Variants in DAB1 observed in about 807,000 individuals in gnomAD.
DAB1 encodes DAB adaptor protein 1.
DAB1 carries 15 observed loss-of-function variants against 64.6 expected under a neutral mutation model. The observed-to-expected ratio is 0.23, with a 90% CI of 0.16 to 0.36. DAB1 has a LOEUF of 0.36. DAB1 is among the 10% of genes least tolerant of loss of function. The pLI, the probability that DAB1 is intolerant of heterozygous loss-of-function variation, is 1.00. For synonymous variants in DAB1, 235 were observed against 251.9 expected (o/e 0.93, Z 0.64); for missense variants, 596 against 706.7 (o/e 0.84, Z 1.78).
Position 57,361,483 on chromosome 1 carries a change from A to G in DAB1, c.-137+62447T>C, listed in dbSNP as rs529461905. On this transcript the variant is annotated intron_variant, in intron 1 of 14. Transcript: ENST00000371236. The stretch of plus-strand genomic sequence containing the variant: ...GGTTCCCAATATCTGTGTCCTTCCA[A>G]TAAAAGGATTGTTCATCTGCATCCT... Among the ~76,000 whole-genome samples the G allele has an allele frequency of 4.6e-5, 7 of 152,274 alleles. No homozygotes were observed. The South Asian group carries it at 1.5e-3, about 32-fold the overall frequency.
At chr1:57,918,839 A>G (rs986776481) in intron 5 of DAB1, among the ~76,000 whole-genome samples, 2 of 151,968 alleles carry the variant, frequency 1.3e-5, no homozygotes, top group Non-Finnish European at 2.9e-5. Flanking sequence ...AAAAAAGAGA[A>G]AGGCACCAGG....
chr1:57,968,858 C>T (rs1041890209), intron 5 of DAB1, among the ~76,000 whole-genome samples: 1 of 152,128 alleles, frequency 6.6e-6, no homozygotes, highest in South Asian at 2.1e-4. Context: ...TAGAACCTAC[C>T]CAGCTATAAC....
intron 4 of DAB1, among the ~76,000 whole-genome samples, chr1:58,336,457 ATG>A (rs1202406836): frequency 6.6e-6 from 1 of 152,198 alleles, no homozygotes; most frequent in African/African-American, 2.4e-5. Flanking sequence ...ATAGTAGCTT[ATG>A]TTTATTGAAC....
At chr1:57,056,931 G>A (rs79687558) in intron 9 of DAB1, among the ~76,000 whole-genome samples, 1,741 of 152,202 alleles carry the variant, frequency 0.011, 35 homozygotes, top group African/African-American at 0.04. Context: ...CTCAAGGAAA[G>A]CTGAAGACAG....
At chr1:57,011,045 C>T (rs1365241493) in intron 13 of DAB1, 100 bp downstream of exon 13, 1 of 1,467,238 alleles carries the variant, frequency 6.8e-7, no homozygotes, top group Admixed American at 1.9e-5. Flanking sequence ...ATTGAGCCAG[C>T]ATTCTTTTCT....
chr1:57,371,967 C>T (rs542179454), intron 1 of DAB1, among the ~76,000 whole-genome samples: 16 of 152,204 alleles, frequency 1.1e-4, no homozygotes, highest in Admixed American at 3.3e-4. Context: ...ACTACTGAAA[C>T]GGAGAAATCC....
At chr1:57,244,401 A>G (rs1668714157) in intron 2 of DAB1, among the ~76,000 whole-genome samples, 1 of 152,238 alleles carries the variant, frequency 6.6e-6, no homozygotes, top group African/African-American at 2.4e-5. Flanking sequence ...GGAAAGATGG[A>G]TAGATGAGAA....
At chr1:57,096,205 C>T (rs1263692321) in intron 4 of DAB1, among the ~76,000 whole-genome samples, 1 of 152,100 alleles carries the variant, frequency 6.6e-6, no homozygotes, top group Non-Finnish European at 1.5e-5. Flanking sequence ...GGATTTACAC[C>T]CAAGCCTTTC....
At chr1:57,645,803 C>T (rs902213666) in intron 7 of DAB1, among the ~76,000 whole-genome samples, 5 of 152,188 alleles carry the variant, frequency 3.3e-5, no homozygotes, top group Non-Finnish European at 7.3e-5. Context: ...TGAAAAGCAA[C>T]ACCACCACTG....
chr1:57,395,038 G>C (rs1450152388), intron 1 of DAB1, among the ~76,000 whole-genome samples: 1 of 151,708 alleles, frequency 6.6e-6, no homozygotes, highest in Non-Finnish European at 1.5e-5. Flanking sequence ...TTTGTTTTTT[G>C]TTTTGAGACA....
chr1:57,670,652 G>C (rs942036834), intron 6 of DAB1, among the ~76,000 whole-genome samples: 2 of 152,038 alleles, frequency 1.3e-5, no homozygotes, highest in African/African-American at 4.8e-5. Flanking sequence ...AAATCCTATT[G>C]CCTAATTATC....
chr1:58,437,726 A>T (rs1473113333), intron 3 of DAB1, among the ~76,000 whole-genome samples: 1 of 152,224 alleles, frequency 6.6e-6, no homozygotes, highest in African/African-American at 2.4e-5. Context: ...ATATAGCATT[A>T]AAAAAGATAC....
intron 7 of DAB1, among the ~76,000 whole-genome samples, chr1:57,616,034 G>A (rs914458830): frequency 6.6e-6 from 1 of 152,172 alleles, no homozygotes; most frequent in Non-Finnish European, 1.5e-5. Flanking sequence ...AGAATGGAGT[G>A]TGTCTGAGGG....
At chr1:57,309,794 C>T (rs1012965626) in intron 1 of DAB1, among the ~76,000 whole-genome samples, 1 of 152,212 alleles carries the variant, frequency 6.6e-6, no homozygotes, top group South Asian at 2.1e-4. Flanking sequence ...AGACAGCCCT[C>T]CTGGCCCTTG....
chr1:58,002,125 A>C (rs373392253), intron 5 of DAB1, among the ~76,000 whole-genome samples: 1 of 152,218 alleles, frequency 6.6e-6, no homozygotes, highest in Admixed American at 6.5e-5. Flanking sequence ...AATTGCAAAA[A>C]AATAAGCTTT....
intron 5 of DAB1, among the ~76,000 whole-genome samples, chr1:58,009,567 C>G (rs148301881): frequency 6.6e-6 from 1 of 152,084 alleles, no homozygotes; most frequent in Non-Finnish European, 1.5e-5. Context: ...TTGATAATAT[C>G]AAGTATTGTA....
chr1:57,266,658 C>G (rs146176982), intron 2 of DAB1, among the ~76,000 whole-genome samples: 1 of 152,084 alleles, frequency 6.6e-6, no homozygotes, highest in East Asian at 1.9e-4. Flanking sequence ...ATTTAATATC[C>G]TCAGGGTCTG....
At chr1:57,320,776 T>C (rs1225353059) in intron 1 of DAB1, among the ~76,000 whole-genome samples, 3 of 152,174 alleles carry the variant, frequency 2.0e-5, no homozygotes, top group Non-Finnish European at 4.4e-5. Flanking sequence ...ATACATATAA[T>C]CTCATTTAAT....
chr1:57,586,372 G>A (rs1343202537), intron 7 of DAB1, among the ~76,000 whole-genome samples: 1 of 152,156 alleles, frequency 6.6e-6, no homozygotes, highest in Admixed American at 6.5e-5. Context: ...CAATGTCTTT[G>A]TTTATTGGTC....
Sources: gnomAD v4.1 joint callset for allele counts (sites outside exome capture counted in the v4.1 genomes callset) on GRCh38, gnomAD v4.1.1 for gene constraint, MANE v1.5 for transcripts, NCBI Gene and HGNC (gene_info 2026-07-23, HGNC 2026-07-21) for gene names.